Variants in LHFPL3 observed in about 807,000 individuals in gnomAD.
The protein encoded by LHFPL3 is LHFPL tetraspan subfamily member 3 protein.
In LHFPL3, 5 loss-of-function variants were observed where a neutral mutation model predicts 19.3. The ratio of observed to expected loss-of-function variants is 0.26; its 90% CI spans 0.14 to 0.54. The LOEUF (loss-of-function observed/expected upper bound fraction) is 0.54. LHFPL3 is among the 20% of genes least tolerant of loss of function. The pLI is 0.94. For synonymous variants in LHFPL3, 133 were observed against 126.2 expected (o/e 1.05, Z -0.36); for missense variants, 249 against 307.4 (o/e 0.81, Z 1.42).
chr7:104,573,981 A>T (rs1470371202), intron 1 of LHFPL3, among the ~76,000 whole-genome samples: 2 of 152,206 alleles, frequency 1.3e-5, no homozygotes, highest in Non-Finnish European at 2.9e-5. Flanking sequence ...GAGTGGAATG[A>T]TTGACATTTG....
chr7:104,380,956 A>G (rs1410342864), intron 1 of LHFPL3, among the ~76,000 whole-genome samples: 3 of 152,238 alleles, frequency 2.0e-5, no homozygotes, highest in African/African-American at 2.4e-5. Flanking sequence ...TGAATTTTCA[A>G]TTAAATGCAT....
At chr7:104,569,476 G>A (rs555893927) in intron 1 of LHFPL3, among the ~76,000 whole-genome samples, 16 of 152,216 alleles carry the variant, frequency 1.1e-4, no homozygotes, top group African/African-American at 3.9e-4. Flanking sequence ...TCTCTTATTT[G>A]GGGGGAGGGG....
chr7:104,685,490 C>T (rs1792787776), intron 1 of LHFPL3, among the ~76,000 whole-genome samples: 1 of 152,156 alleles, frequency 6.6e-6, no homozygotes, highest in Non-Finnish European at 1.5e-5. Context: ...TAACATGACC[C>T]AAGCCCAGGA....
intron 1 of LHFPL3, among the ~76,000 whole-genome samples, chr7:104,541,800 G>A (rs905122443): frequency 4.6e-5 from 7 of 151,958 alleles, no homozygotes; most frequent in East Asian, 3.9e-4. Flanking sequence ...AATAAAGTCC[G>A]GATGGTATTT....
At chr7:104,715,157 T>C (rs1445152058) in intron 1 of LHFPL3, among the ~76,000 whole-genome samples, 1 of 151,910 alleles carries the variant, frequency 6.6e-6, no homozygotes, top group Non-Finnish European at 1.5e-5. Flanking sequence ...AAAAATAAGC[T>C]AGGAATGGTG....
At chr7:104,888,970 C>T (rs572295234) in intron 2 of LHFPL3, among the ~76,000 whole-genome samples, 156 of 151,890 alleles carry the variant, frequency 1.0e-3, no homozygotes, top group South Asian at 1.9e-3. Context: ...GATAGCTTCA[C>T]GTCAAGGAGA....
chr7:104,378,313 G>T (rs181807218), intron 1 of LHFPL3, among the ~76,000 whole-genome samples: 3 of 152,314 alleles, frequency 2.0e-5, no homozygotes, highest in South Asian at 2.1e-4. Context: ...ATGAACTATG[G>T]TGTATGTAGC....
At chr7:104,587,151 G>A (rs572530290) in intron 1 of LHFPL3, among the ~76,000 whole-genome samples, 5 of 152,052 alleles carry the variant, frequency 3.3e-5, no homozygotes, top group Admixed American at 2.0e-4. Context: ...TTAAGTTCTA[G>A]GGTACGTGTG....
intron 1 of LHFPL3, among the ~76,000 whole-genome samples, chr7:104,492,962 G>A (rs1004015878): frequency 1.3e-5 from 2 of 152,050 alleles, no homozygotes; most frequent in Non-Finnish European, 2.9e-5. Context: ...GGACATGTCC[G>A]ACTGATCTTA....
intron 2 of LHFPL3, among the ~76,000 whole-genome samples, chr7:104,889,930 T>C (rs1241884225): frequency 6.6e-6 from 1 of 152,236 alleles, no homozygotes; most frequent in Non-Finnish European, 1.5e-5. Flanking sequence ...AATCAGTTTT[T>C]TTAATTAAAG....
At chr7:104,513,894 C>T (rs1208184910) in intron 1 of LHFPL3, among the ~76,000 whole-genome samples, 1 of 152,272 alleles carries the variant, frequency 6.6e-6, no homozygotes. Context: ...GTTTGAATCT[C>T]ATTTGTGGGT....
chr7:104,845,038 C>T (rs1286133606), intron 2 of LHFPL3, among the ~76,000 whole-genome samples: 1 of 152,228 alleles, frequency 6.6e-6, no homozygotes, highest in Non-Finnish European at 1.5e-5. Context: ...CCGCACCCGG[C>T]CTCTAAGTAT....
At chr7:104,329,943 T>A (rs982327878) in intron 1 of LHFPL3, among the ~76,000 whole-genome samples, 2 of 152,222 alleles carry the variant, frequency 1.3e-5, no homozygotes, top group Non-Finnish European at 2.9e-5. Flanking sequence ...TAAATCAAGA[T>A]TCCTCAAGAT....
intron 1 of LHFPL3, among the ~76,000 whole-genome samples, chr7:104,552,417 A>C (rs1419023592): frequency 1.3e-5 from 2 of 152,194 alleles, no homozygotes; most frequent in Non-Finnish European, 2.9e-5. Context: ...GTGGATTTGC[A>C]AGGAGACTAG....
chr7:104,583,412 T>A (rs117504988), intron 1 of LHFPL3, among the ~76,000 whole-genome samples: 4,243 of 152,298 alleles, frequency 0.028, 73 homozygotes, highest in South Asian at 0.051. Flanking sequence ...CAGAACTTCA[T>A]GTCTAAAACA....
Position 104,374,206 on chromosome 7 carries a change from A to ATGTG in LHFPL3, c.445+44983_445+44984insGTGT, listed in dbSNP as rs200857759. On this transcript the variant is annotated intron_variant, in intron 1 of 2. Transcript: ENST00000424859. ...TTCTATTATCTATCTATCTATCTATATATGTGTGTGTGTGTGTGTGTGTGT... is the reference window on the plus strand; with the variant it reads ...TTCTATTATCTATCTATCTATCTATATGTGTATGTGTGTGTGTGTGTGTGTGTGT... Among the ~76,000 whole-genome samples, 786 of 81,224 alleles carry ATGTG rather than the reference A, an allele frequency of 9.7e-3. 8 individuals carry two copies. The highest frequency in any genetic ancestry group is 0.025 in the African/African-American group (676 of 26,568). 53.3% of individuals were successfully genotyped at this position (81,224 alleles called of 152,430 possible).
In LHFPL3 at chr7:104,498,235, T is replaced by C. The variant is rs1368470992; in HGVS notation, c.445+169011T>C. On this transcript the variant is annotated intron_variant, in intron 1 of 2. Coordinates refer to ENST00000424859, the MANE Select transcript of LHFPL3 (RefSeq NM_199000.3). ...TACAAAATGCAGTTTCTAATCTTTGTGGATATGTGACAACAAAGTCAGCCA... is the reference window on the plus strand; with the variant it reads ...TACAAAATGCAGTTTCTAATCTTTGCGGATATGTGACAACAAAGTCAGCCA... Among the ~76,000 whole-genome samples, 6 of 145,772 alleles carry C rather than the reference T, an allele frequency of 4.1e-5. No individual in the cohort carries two copies. The South Asian group carries it at 8.3e-4, about 20-fold the overall frequency.
chr7:104,901,849 A>G (rs554947574), intron 2 of LHFPL3, among the ~76,000 whole-genome samples: 1 of 152,202 alleles, frequency 6.6e-6, no homozygotes, highest in East Asian at 1.9e-4. Context: ...GATTACAAGC[A>G]TGAGCCACCA....
chr7:104,873,780 C>T (rs775986462), intron 2 of LHFPL3, among the ~76,000 whole-genome samples: 7 of 152,190 alleles, frequency 4.6e-5, no homozygotes, highest in Non-Finnish European at 8.8e-5. Flanking sequence ...TGCAAACTGG[C>T]GTCTCATGAT....
Sources: allele counts gnomAD v4.1 joint callset (sites outside exome capture counted in the v4.1 genomes callset), GRCh38; gene constraint gnomAD v4.1.1; transcripts MANE v1.5; gene names NCBI Gene and HGNC (gene_info 2026-07-23, HGNC 2026-07-21).